LCLAT1: variants seen among roughly 807,000 people sequenced by gnomAD.
The protein encoded by LCLAT1 is 1-AGP acyltransferase 8.
A neutral mutation model predicts 30.7 loss-of-function variants in LCLAT1; 11 were observed. The ratio of observed to expected loss-of-function variants is 0.36; its 90% CI spans 0.23 to 0.59. The LOEUF (loss-of-function observed/expected upper bound fraction) is 0.59, where lower values mean the gene tolerates loss of function less well. Among genes scored for constraint, LCLAT1 ranks in the 20% least tolerant of loss-of-function variants. LCLAT1 has a pLI of 0.77. For missense variants in LCLAT1, 402 were observed against 458.6 expected, an observed-to-expected ratio of 0.88 and a Z score of 1.13; for synonymous variants, 155 against 151.3, an observed-to-expected ratio of 1.02 and a Z score of -0.18.
chr2:30,448,117 G>A (rs550652995), intron 1 of LCLAT1, among the ~76,000 whole-genome samples: 11 of 152,244 alleles, frequency 7.2e-5, no homozygotes, highest in Non-Finnish European at 1.6e-4. Flanking sequence ...TGGAAATACT[G>A]CATCTGCCTT....
intron 1 of LCLAT1, among the ~76,000 whole-genome samples, chr2:30,512,972 A>T (rs972285742): frequency 2.0e-5 from 3 of 152,172 alleles, no homozygotes; most frequent in Non-Finnish European, 2.9e-5. Context: ...TTAAAAATGC[A>T]CATTTCTGTC....
At chr2:30,461,500 G>A (rs932295606) in intron 1 of LCLAT1, among the ~76,000 whole-genome samples, 2 of 152,044 alleles carry the variant, frequency 1.3e-5, no homozygotes, top group South Asian at 2.1e-4. Context: ...GGCTGAAGCG[G>A]TCCTCCTGCC....
chr2:30,613,310 G>A (rs559898783), intron 5 of LCLAT1, among the ~76,000 whole-genome samples: 2 of 152,246 alleles, frequency 1.3e-5, no homozygotes, highest in East Asian at 3.9e-4. Context: ...GGATTACTCT[G>A]GCTGTAATGT....
intron 2 of LCLAT1, among the ~76,000 whole-genome samples, chr2:30,528,187 G>A (rs1685814188): frequency 6.6e-6 from 1 of 152,218 alleles, no homozygotes; most frequent in Admixed American, 6.5e-5. Flanking sequence ...ATTGGTAAGA[G>A]CAGCTAAAAG....
chr2:30,579,567 A>G (rs932925851), intron 5 of LCLAT1, among the ~76,000 whole-genome samples: 1 of 152,132 alleles, frequency 6.6e-6, no homozygotes, highest in Non-Finnish European at 1.5e-5. Flanking sequence ...CTGGCAGAGT[A>G]AGAGAATTTA....
At chr2:30,457,314 G>A (rs1395326986) in intron 1 of LCLAT1, among the ~76,000 whole-genome samples, 3 of 152,162 alleles carry the variant, frequency 2.0e-5, no homozygotes, top group African/African-American at 2.4e-5. Flanking sequence ...GTTCAGATCT[G>A]TGTAAGGAAA....
intron 1 of LCLAT1, among the ~76,000 whole-genome samples, chr2:30,473,449 G>A (rs987592268): frequency 3.3e-5 from 5 of 152,102 alleles, no homozygotes; most frequent in African/African-American, 1.2e-4. Context: ...TGGGTCACCC[G>A]CATCTGGAAC....
intron 1 of LCLAT1, among the ~76,000 whole-genome samples, chr2:30,493,840 A>C (rs974841285): frequency 6.6e-6 from 1 of 152,196 alleles, no homozygotes; most frequent in South Asian, 2.1e-4. Flanking sequence ...TTCTTAGTAC[A>C]TAGAGGCATT....
intron 3 of LCLAT1, among the ~76,000 whole-genome samples, chr2:30,557,283 C>CGT (rs373793652): frequency 0.15 from 20,153 of 138,440 alleles, 1,465 homozygotes; most frequent in South Asian, 0.2. Context: ...AAGGTATGAT[C>CGT]GTGTGTGTGT....
At chr2:30,595,204 C>G (rs1219947040) in intron 5 of LCLAT1, among the ~76,000 whole-genome samples, 1 of 152,116 alleles carries the variant, frequency 6.6e-6, no homozygotes, top group Non-Finnish European at 1.5e-5. Flanking sequence ...AGGGACTGCT[C>G]TGTAATATGT....
At chr2:30,481,931 T>C (rs1204585157) in intron 1 of LCLAT1, among the ~76,000 whole-genome samples, 1 of 152,228 alleles carries the variant, frequency 6.6e-6, no homozygotes, top group East Asian at 1.9e-4. Context: ...AATTTTTCTT[T>C]GATTAGCATT....
intron 1 of LCLAT1, among the ~76,000 whole-genome samples, chr2:30,458,067 T>A (rs1167411144): frequency 1.3e-5 from 2 of 152,158 alleles, no homozygotes; most frequent in African/African-American, 4.8e-5. Flanking sequence ...GAGGCAACTT[T>A]TCACTTGGTT....
At chr2:30,468,408 A>G (rs1160907513) in intron 1 of LCLAT1, among the ~76,000 whole-genome samples, 1 of 152,202 alleles carries the variant, frequency 6.6e-6, no homozygotes, top group Non-Finnish European at 1.5e-5. Flanking sequence ...CTTTTGGCTT[A>G]GGATTGACTT....
At chr2:30,497,366 A>G (rs1684168733) in intron 1 of LCLAT1, among the ~76,000 whole-genome samples, 1 of 152,198 alleles carries the variant, frequency 6.6e-6, no homozygotes, top group African/African-American at 2.4e-5. Flanking sequence ...TTTACACTGA[A>G]TTGCTTTTTT....
intron 2 of LCLAT1, among the ~76,000 whole-genome samples, chr2:30,532,170 T>C (rs1235597002): frequency 6.6e-6 from 1 of 152,220 alleles, no homozygotes; most frequent in Admixed American, 6.5e-5. Context: ...TGCTTCTGTG[T>C]ATCTTTCATG....
chr2:30,620,409 C>A (rs1388377255), intron 5 of LCLAT1, among the ~76,000 whole-genome samples: 1 of 152,192 alleles, frequency 6.6e-6, no homozygotes, highest in Admixed American at 6.5e-5. Context: ...GAACTACTGT[C>A]ATATAGCCTC....
rs545760658 is a variant in LCLAT1 at position 30,520,305 on chromosome 2, A to T, written c.-4-5282A>T. Among the ~76,000 whole-genome samples the T allele has an allele frequency of 9.8e-4, 150 of 152,362 alleles. 1 individual carries two copies. In the Middle Eastern group the frequency reaches 0.027, roughly 28 times the overall value. On this transcript the variant is annotated intron_variant, in intron 1 of 5. Coordinates refer to ENST00000379509, the MANE Select transcript of LCLAT1 (RefSeq NM_001002257.3). The stretch of plus-strand genomic sequence containing the variant: ...CATAAGGCTATCTCACTAAGTTTGT[A>T]TAAATTCTAAAATTCAGAATAAGTT...
intron 1 of LCLAT1, among the ~76,000 whole-genome samples, chr2:30,472,853 T>G (rs1471110277): frequency 3.3e-5 from 5 of 152,200 alleles, no homozygotes; most frequent in African/African-American, 1.2e-4. Flanking sequence ...TACCTTGTAA[T>G]GGAACATTTT....
intron 2 of LCLAT1, among the ~76,000 whole-genome samples, chr2:30,528,810 T>G (rs1685857905): frequency 6.6e-6 from 1 of 152,230 alleles, no homozygotes; most frequent in Non-Finnish European, 1.5e-5. Flanking sequence ...GCTGTTTAGT[T>G]TACTAGTTAC....
Sources: allele counts gnomAD v4.1 joint callset (sites outside exome capture counted in the v4.1 genomes callset), GRCh38; gene constraint gnomAD v4.1.1; transcripts MANE v1.5; gene names NCBI Gene and HGNC (gene_info 2026-07-23, HGNC 2026-07-21).